HS3ST5: variants seen among roughly 807,000 people sequenced by gnomAD.
HS3ST5 encodes heparan sulfate-glucosamine 3-sulfotransferase 5, also known as heparan sulfate glucosamine 3-O-sulfotransferase 5.
HS3ST5 carries 10 observed loss-of-function variants against 25.4 expected under a neutral mutation model. The ratio of observed to expected loss-of-function variants is 0.39; its 90% confidence interval spans 0.24 to 0.67. The LOEUF (loss-of-function observed/expected upper bound fraction) is 0.67, where lower values mean the gene tolerates loss of function less well. Ranked by LOEUF, HS3ST5 falls within the 30% of genes least tolerant of loss-of-function variation. The probability of loss-of-function intolerance (pLI) is 0.44; values close to 1 mark genes in which losing one functional copy is unlikely to be tolerated. For missense variants in HS3ST5, 324 were observed against 420.7 expected (o/e 0.77, Z 2.01); for synonymous variants, 170 against 162.4 (o/e 1.05, Z -0.36).
At chr6:114,069,451 C>T (rs529835961) in intron 3 of HS3ST5, among the ~76,000 whole-genome samples, 1 of 151,950 alleles carries the variant, frequency 6.6e-6, no homozygotes, top group South Asian at 2.1e-4. Context: ...AATTATCTGA[C>T]CCCAAAGAAC....
chr6:114,198,950 A>G (rs1440322517), intron 2 of HS3ST5, among the ~76,000 whole-genome samples: 1 of 152,202 alleles, frequency 6.6e-6, no homozygotes, highest in East Asian at 1.9e-4. Flanking sequence ...GAATTGGCCT[A>G]TAAAAGGTTA....
intron 1 of HS3ST5, among the ~76,000 whole-genome samples, chr6:114,233,627 T>G (rs1771715144): frequency 6.6e-6 from 1 of 152,192 alleles, no homozygotes; most frequent in Non-Finnish European, 1.5e-5. Context: ...TTCATGGTCA[T>G]ATTTTCAAAT....
At chr6:114,202,315 A>G (rs1216068437) in intron 2 of HS3ST5, among the ~76,000 whole-genome samples, 2 of 152,080 alleles carry the variant, frequency 1.3e-5, no homozygotes, top group African/African-American at 4.8e-5. Context: ...TCCTGACCCC[A>G]CTTATCCTGC....
chr6:114,125,449 T>C (rs1295036267), intron 3 of HS3ST5, among the ~76,000 whole-genome samples: 1 of 152,238 alleles, frequency 6.6e-6, no homozygotes, highest in Non-Finnish European at 1.5e-5. Context: ...AAAAGAGTCA[T>C]TGAATTCTAG....
chr6:114,138,517 G>C (rs1777747448), intron 3 of HS3ST5, among the ~76,000 whole-genome samples: 1 of 152,186 alleles, frequency 6.6e-6, no homozygotes, highest in African/African-American at 2.4e-5. Context: ...AGGAGAAGCT[G>C]AGTTGGAATG....
intron 1 of HS3ST5, among the ~76,000 whole-genome samples, chr6:114,271,966 G>A (rs944924399): frequency 6.6e-6 from 1 of 152,048 alleles, no homozygotes; most frequent in African/African-American, 2.4e-5. Flanking sequence ...TATTAGCAAA[G>A]CAGAAAAATG....
chr6:114,155,637 C>T (rs1017895892), intron 3 of HS3ST5, among the ~76,000 whole-genome samples: 3 of 152,228 alleles, frequency 2.0e-5, no homozygotes, highest in African/African-American at 7.2e-5. Context: ...CAAAACCACT[C>T]TGTGAAGATG....
chr6:114,266,726 A>G (rs1181619184), intron 1 of HS3ST5, among the ~76,000 whole-genome samples: 1 of 152,210 alleles, frequency 6.6e-6, no homozygotes, highest in Non-Finnish European at 1.5e-5. Flanking sequence ...AGCTTTTTGC[A>G]AATAATATGT....
chr6:114,200,189 C>G (rs148071480), intron 2 of HS3ST5, among the ~76,000 whole-genome samples: 11 of 152,270 alleles, frequency 7.2e-5, no homozygotes, highest in Non-Finnish European at 1.3e-4. Context: ...TGAACTCCAG[C>G]TTGGAAAACA....
At chr6:114,100,254 T>A (rs543511376) in intron 3 of HS3ST5, among the ~76,000 whole-genome samples, 5 of 152,180 alleles carry the variant, frequency 3.3e-5, no homozygotes, top group Admixed American at 6.5e-5. Context: ...AAGACAATCT[T>A]TATAGTCTCT....
intron 2 of HS3ST5, among the ~76,000 whole-genome samples, chr6:114,197,785 C>G (rs982636854): frequency 1.3e-5 from 2 of 152,092 alleles, no homozygotes; most frequent in East Asian, 3.9e-4. Context: ...CCAGCTGTAT[C>G]TATGTTGCTG....
chr6:114,152,058 G>A (rs1415813074), intron 3 of HS3ST5, among the ~76,000 whole-genome samples: 7 of 152,008 alleles, frequency 4.6e-5, no homozygotes, highest in Admixed American at 2.0e-4. Flanking sequence ...AGCCTCCTGG[G>A]TAGCTGGGAC....
Position 114,057,261 on chromosome 6 carries a change from G to C in HS3ST5, c.1037C>G (p.Pro346Arg). 6.2e-7 allele frequency: 1 copy of C among 1,605,552 alleles called. No individual in the cohort carries two copies. The highest frequency in any genetic ancestry group is 8.5e-7 in the Non-Finnish European group (1 of 1,173,160). Residue 346 changes from proline (P) to arginine (R), a missense_variant, in exon 5 of 5, where the codon CCC becomes CGC. Pro to Arg is a moderately radical substitution (Grantham distance 103, BLOSUM62 -2). This residue lies in a region of HS3ST5 where 203 missense variants were observed against 303.4 expected (regional missense o/e 0.67). Coordinates refer to ENST00000312719, the MANE Select transcript of HS3ST5 (RefSeq NM_153612.4). ...YQITGRTLNW[P>R] The stretch of plus-strand genomic sequence containing the variant: ...AGTGTTGTATGACATATTATTTTAG[G>C]GCCAGTTCAATGTCCTCCCAGTGAT...
At chr6:114,274,871 C>T (rs559262093) in intron 1 of HS3ST5, among the ~76,000 whole-genome samples, 1 of 151,982 alleles carries the variant, frequency 6.6e-6, no homozygotes, top group East Asian at 1.9e-4. Flanking sequence ...TCTTTGTGCT[C>T]GTTAGCACCT....
At chr6:114,195,686 A>C (rs555628266) in intron 2 of HS3ST5, among the ~76,000 whole-genome samples, 2 of 152,184 alleles carry the variant, frequency 1.3e-5, no homozygotes, top group Non-Finnish European at 1.5e-5. Context: ...TGGAAGAAAT[A>C]GAATTTATAG....
At chr6:114,242,909 T>C (rs1366022767) in intron 1 of HS3ST5, among the ~76,000 whole-genome samples, 3 of 152,210 alleles carry the variant, frequency 2.0e-5, no homozygotes, top group African/African-American at 7.2e-5. Flanking sequence ...TTACCCCTTT[T>C]CTTTGGATTT....
intron 2 of HS3ST5, among the ~76,000 whole-genome samples, chr6:114,194,601 T>C (rs1780653160): frequency 1.3e-5 from 2 of 152,168 alleles, no homozygotes; most frequent in Non-Finnish European, 2.9e-5. Flanking sequence ...GCACTCACCA[T>C]GGAGTGGTTC....
At chr6:114,242,804 G>T (rs145203247) in intron 1 of HS3ST5, among the ~76,000 whole-genome samples, 2,738 of 147,468 alleles carry the variant, frequency 0.019, 103 homozygotes, top group African/African-American at 0.064. Flanking sequence ...AGTGAGCCGA[G>T]ATTGCGCCAC....
chr6:114,120,105 A>G (rs764624519), intron 3 of HS3ST5, among the ~76,000 whole-genome samples: 3 of 152,312 alleles, frequency 2.0e-5, no homozygotes, highest in African/African-American at 4.8e-5. Context: ...AGATCGTGCC[A>G]TTGCACTCTA....
Sources: gnomAD v4.1 joint callset for allele counts (sites outside exome capture counted in the v4.1 genomes callset) on GRCh38, gnomAD v4.1.1 for gene constraint, gnomAD v4.1.1 regional missense constraint, MANE v1.5 for transcripts, NCBI Gene and HGNC (gene_info 2026-07-23, HGNC 2026-07-21) for gene names.